SGCZ: variants seen among roughly 807,000 people sequenced by gnomAD.
SGCZ encodes the protein sarcoglycan zeta, also known as zeta-sarcoglycan.
A neutral mutation model predicts 41.3 loss-of-function variants in SGCZ; 40 were observed. The ratio of observed to expected loss-of-function variants is 0.97; its 90% CI spans 0.75 to 1.26. The LOEUF is 1.26. SGCZ is among the 50% of genes most tolerant of loss of function. SGCZ has a pLI of 0.00. For missense variants in SGCZ, 552 were observed against 369.8 expected, an observed-to-expected ratio of 1.49 and a Z score of -4.04; for synonymous variants, 206 against 137.5, an observed-to-expected ratio of 1.50 and a Z score of -3.49.
chr8:14,579,078 T>C (rs571719667), intron 1 of SGCZ, among the ~76,000 whole-genome samples: 1 of 152,260 alleles, frequency 6.6e-6, no homozygotes, highest in Admixed American at 6.5e-5. Context: ...TCAAAGTAAA[T>C]GTTTAAATAA....
At chr8:14,271,132 G>T (rs552814393) in intron 3 of SGCZ, among the ~76,000 whole-genome samples, 42 of 151,982 alleles carry the variant, frequency 2.8e-4, no homozygotes, top group African/African-American at 9.9e-4. Context: ...CACCAATATG[G>T]CACATGTATA....
intron 1 of SGCZ, among the ~76,000 whole-genome samples, chr8:15,056,208 C>T (rs1278873001): frequency 1.3e-5 from 2 of 152,174 alleles, no homozygotes; most frequent in Non-Finnish European, 1.5e-5. Context: ...TCCTTCCAGA[C>T]CCTTGGATCT....
chr8:14,497,234 G>A (rs116236144), intron 2 of SGCZ, among the ~76,000 whole-genome samples: 1 of 152,280 alleles, frequency 6.6e-6, no homozygotes, highest in Non-Finnish European at 1.5e-5. Context: ...TGTACAGGGA[G>A]CATGGCAACG....
At chr8:15,113,670 G>C (rs893412589) in intron 1 of SGCZ, among the ~76,000 whole-genome samples, 9 of 152,272 alleles carry the variant, frequency 5.9e-5, no homozygotes, top group Middle Eastern at 3.4e-3. Context: ...TCCTCATACA[G>C]TCTGCCTAAA....
intron 1 of SGCZ, among the ~76,000 whole-genome samples, chr8:14,686,815 G>A (rs1376072125): frequency 6.6e-6 from 1 of 152,036 alleles, no homozygotes; most frequent in Non-Finnish European, 1.5e-5. Context: ...TGTCCAGGAA[G>A]GGAGAAAGAT....
chr8:15,184,948 G>A (rs77264830), intron 1 of SGCZ, among the ~76,000 whole-genome samples: 3,515 of 152,190 alleles, frequency 0.023, 63 homozygotes, highest in Middle Eastern at 0.065. Flanking sequence ...AATGGAGACT[G>A]TAACTGGGGA....
intron 1 of SGCZ, among the ~76,000 whole-genome samples, chr8:14,591,112 T>C (rs1805226840): frequency 6.6e-6 from 1 of 151,598 alleles, no homozygotes; most frequent in South Asian, 2.1e-4. Context: ...ATCTAATAAA[T>C]CTTATTCACT....
At chr8:14,472,652 C>T (rs984116219) in intron 2 of SGCZ, among the ~76,000 whole-genome samples, 1 of 152,058 alleles carries the variant, frequency 6.6e-6, no homozygotes, top group Non-Finnish European at 1.5e-5. Flanking sequence ...TTCCATTCTA[C>T]TGGTCTCAAA....
chr8:14,880,973 T>C lies in SGCZ; in HGVS notation c.40-326047A>G, dbSNP rs187563510. On this transcript the variant is annotated intron_variant, in intron 1 of 7. Transcript: ENST00000382080. ...GTATAATAAAAAAAAAAGAAATATA[T>C]CACAGACAACTTAGTAAGAGCCCAA... Among the ~76,000 whole-genome samples, 14 of 151,968 alleles carry C rather than the reference T, an allele frequency of 9.2e-5. No individual in the cohort carries two copies. The East Asian group carries it at 2.3e-3, about 25-fold the overall frequency.
chr8:15,017,971 T>C (rs1488418964), intron 1 of SGCZ, among the ~76,000 whole-genome samples: 1 of 152,034 alleles, frequency 6.6e-6, no homozygotes, highest in Admixed American at 6.6e-5. Context: ...CCAAAGTGAT[T>C]CTCCTATCTC....
intron 3 of SGCZ, among the ~76,000 whole-genome samples, chr8:14,262,394 T>C (rs1799706381): frequency 1.3e-5 from 2 of 152,146 alleles, no homozygotes; most frequent in African/African-American, 4.8e-5. Context: ...TAATGCAGTA[T>C]ACACTGGCCA....
intron 1 of SGCZ, among the ~76,000 whole-genome samples, chr8:15,185,174 A>C (rs1028009950): frequency 1.3e-5 from 2 of 152,210 alleles, no homozygotes; most frequent in African/African-American, 4.8e-5. Context: ...TTAGGCATTA[A>C]AAGATCAAAG....
intron 4 of SGCZ, among the ~76,000 whole-genome samples, chr8:14,221,980 G>T (rs1439041976): frequency 6.6e-6 from 1 of 151,816 alleles, no homozygotes; most frequent in East Asian, 1.9e-4. Flanking sequence ...AAAAAAAGTG[G>T]AAGTGGGGTC....
chr8:14,728,133 A>G (rs1810118435), intron 1 of SGCZ, among the ~76,000 whole-genome samples: 1 of 152,196 alleles, frequency 6.6e-6, no homozygotes, highest in South Asian at 2.1e-4. Context: ...CTGGGGTGAT[A>G]AATATGTTCG....
intron 1 of SGCZ, among the ~76,000 whole-genome samples, chr8:15,155,059 A>T (rs949339577): frequency 6.6e-6 from 1 of 152,200 alleles, no homozygotes; most frequent in Non-Finnish European, 1.5e-5. Context: ...TGGGAGGCCA[A>T]GGAAAGTGGA....
chr8:14,576,656 A>G (rs2117245355), intron 1 of SGCZ, among the ~76,000 whole-genome samples: 1 of 152,336 alleles, frequency 6.6e-6, no homozygotes, highest in East Asian at 1.9e-4. Context: ...TCTTTCATGC[A>G]CTTGCTCTTT....
intron 2 of SGCZ, among the ~76,000 whole-genome samples, chr8:14,371,321 T>C (rs1235623619): frequency 2.0e-5 from 3 of 152,052 alleles, no homozygotes; most frequent in African/African-American, 4.8e-5. Context: ...AATCTTTGTG[T>C]ATGCAAGCCA....
At chr8:14,873,626 T>C (rs528672180) in intron 1 of SGCZ, among the ~76,000 whole-genome samples, 11 of 152,114 alleles carry the variant, frequency 7.2e-5, no homozygotes, top group African/African-American at 2.6e-4. Context: ...TAGAACAGAG[T>C]ATCTACAATC....
In SGCZ at chr8:14,798,265, G is replaced by C. The variant is rs535709589; in HGVS notation, c.40-243339C>G. On this transcript the variant is annotated intron_variant, in intron 1 of 7. Coordinates refer to ENST00000382080, the MANE Select transcript of SGCZ (RefSeq NM_139167.4). ...GAAAGTATAGAAATCAATGAAGAAAGTATACAAGTCCTTTTTCTAACAGGA... is the reference window on the plus strand; with the variant it reads ...GAAAGTATAGAAATCAATGAAGAAACTATACAAGTCCTTTTTCTAACAGGA... Among the ~76,000 whole-genome samples the C allele has an allele frequency of 2.0e-5, 3 of 152,242 alleles. No individual in the cohort carries two copies. In the East Asian group the frequency reaches 5.8e-4, roughly 29 times the overall value.
Sources: gnomAD v4.1 joint callset for allele counts (sites outside exome capture counted in the v4.1 genomes callset) on GRCh38, gnomAD v4.1.1 for gene constraint, MANE v1.5 for transcripts, NCBI Gene and HGNC (gene_info 2026-07-23, HGNC 2026-07-21) for gene names.